Variants in LRP1B observed in about 807,000 individuals in gnomAD.
LRP1B encodes the protein low-density lipoprotein receptor-related protein 1B.
Under a neutral mutation model 556.6 loss-of-function variants are expected in LRP1B, and 217 were observed. The ratio of observed to expected loss-of-function variants is 0.39; its 90% CI spans 0.35 to 0.44. The LOEUF is 0.44. Among genes scored for constraint, LRP1B ranks in the 20% least tolerant of loss-of-function variants. LRP1B has a pLI of 1.00. For missense variants in LRP1B, 5,053 were observed against 5,620.8 expected (o/e 0.90, Z 3.23); for synonymous variants, 2,047 against 1,865.8 (o/e 1.10, Z -2.50).
Position 142,106,264 on chromosome 2 carries a change from G to A in LRP1B, c.82+24384C>T, listed in dbSNP as rs189088766. Among the ~76,000 whole-genome samples the A allele has an allele frequency of 7.8e-3, 1,190 of 152,226 alleles. 20 individuals carry two copies. The highest frequency in any genetic ancestry group is 0.027 in the African/African-American group (1,108 of 41,542). On this transcript the variant is annotated intron_variant, in intron 1 of 90. Coordinates refer to ENST00000389484, the MANE Select transcript of LRP1B (RefSeq NM_018557.3). ...AAAAGAAATAAAGATTGCAAAATTG[G>A]ATAATTTTTTAAAATCACAAAAGTT...
intron 20 of LRP1B, among the ~76,000 whole-genome samples, chr2:140,945,686 C>T (rs925250338): frequency 6.6e-6 from 1 of 151,494 alleles, no homozygotes; most frequent in Admixed American, 6.6e-5. Context: ...AGCCCTATTA[C>T]TATATACAAA....
At chr2:140,719,867 T>C (rs1178743194) in intron 35 of LRP1B, among the ~76,000 whole-genome samples, 2 of 152,030 alleles carry the variant, frequency 1.3e-5, no homozygotes, top group Non-Finnish European at 2.9e-5. Context: ...TCCTTATCAA[T>C]TTTTTCACAT....
At position 141,492,562 on chromosome 2, in the gene LRP1B, G is replaced by T. The variant is rs141363541; in HGVS notation, c.206-12029C>A. Among the ~76,000 whole-genome samples the T allele has an allele frequency of 9.4e-3, 1,434 of 152,214 alleles. 19 individuals carry two copies. Among genetic ancestry groups the T allele is most frequent in the Non-Finnish European group, 0.014 (979 of 67,988 alleles). ...TTCTGATATTTTCCTGGATTGAGTGGATGAGGACAAAATAGAGATGAGAGA... is the reference window on the plus strand; with the variant it reads ...TTCTGATATTTTCCTGGATTGAGTGTATGAGGACAAAATAGAGATGAGAGA... On this transcript the variant is annotated intron_variant, in intron 2 of 90. Coordinates refer to ENST00000389484, the MANE Select transcript of LRP1B (RefSeq NM_018557.3).
intron 3 of LRP1B, among the ~76,000 whole-genome samples, chr2:141,347,935 A>T (rs1688311847): frequency 6.6e-6 from 1 of 152,076 alleles, no homozygotes. Flanking sequence ...TATGTCTAAA[A>T]CATTTCTTGA....
At chr2:141,286,066 CAA>C (rs200182512) in intron 3 of LRP1B, among the ~76,000 whole-genome samples, 14,939 of 94,364 alleles carry the variant, frequency 0.16, 491 homozygotes, top group South Asian at 0.26. Context: ...GACTCCGTCT[CAA>C]AAAAAAAAAA....
At chr2:141,010,817 T>C (rs1295015210) in intron 14 of LRP1B, among the ~76,000 whole-genome samples, 3 of 151,876 alleles carry the variant, frequency 2.0e-5, no homozygotes, top group Admixed American at 6.6e-5. Context: ...TGCCTGGCTA[T>C]TGACAAGTCT....
At chr2:140,941,393 T>C (rs1049096499) in intron 20 of LRP1B, among the ~76,000 whole-genome samples, 7 of 152,076 alleles carry the variant, frequency 4.6e-5, no homozygotes, top group Non-Finnish European at 8.8e-5. Context: ...GCAACACAGG[T>C]ACCATGGGTG....
chr2:141,438,150 T>C (rs1573944927), intron 3 of LRP1B, among the ~76,000 whole-genome samples: 2 of 152,250 alleles, frequency 1.3e-5, no homozygotes, highest in East Asian at 3.9e-4. Flanking sequence ...CTGCATAGGA[T>C]AACGACTGTA....
chr2:141,694,647 A>C (rs1691668033), intron 2 of LRP1B, among the ~76,000 whole-genome samples: 2 of 141,854 alleles, frequency 1.4e-5, no homozygotes, highest in South Asian at 2.2e-4. Context: ...CGATTGTTTC[A>C]AAAAAAAAAA....
chr2:140,901,958 C>T (rs1549709), intron 23 of LRP1B, among the ~76,000 whole-genome samples: 34,542 of 151,812 alleles, frequency 0.23, 4,153 homozygotes, highest in Non-Finnish European at 0.26. Context: ...GAATTAGTAG[C>T]GGGTTTCCAA....
rs1176498060 is a variant in LRP1B, at chr2:140,291,295, ATT to A, written c.12967+6511_12967+6512del. Among the ~76,000 whole-genome samples the A allele has an allele frequency of 3.4e-3, 88 of 25,796 alleles. 1 individual carries two copies. The highest frequency in any genetic ancestry group is 5.3e-3 in the African/African-American group (86 of 16,336). The allele number at this position is 25,796 out of a possible 152,430, so 16.9% of individuals were successfully genotyped here. ...CTTAGATACCACTTCAAGAAATTTTATTTTATATATATATATATATATATTTT... is the reference window on the plus strand; with the variant it reads ...CTTAGATACCACTTCAAGAAATTTTATTATATATATATATATATATATTTT... On this transcript the variant is annotated intron_variant, in intron 84 of 90. Coordinates refer to ENST00000389484, the MANE Select transcript of LRP1B (RefSeq NM_018557.3).
chr2:140,400,889 A>G (rs1684467174), intron 66 of LRP1B, among the ~76,000 whole-genome samples: 1 of 152,178 alleles, frequency 6.6e-6, no homozygotes, highest in African/African-American at 2.4e-5. Flanking sequence ...GGAAGGCCTT[A>G]AACCTCCCAG....
chr2:140,417,539 C>T (rs1015879778), intron 66 of LRP1B, among the ~76,000 whole-genome samples: 2 of 152,144 alleles, frequency 1.3e-5, no homozygotes, highest in African/African-American at 2.4e-5. Context: ...AGGATGTGCA[C>T]GATGATGTTA....
chr2:141,619,895 C>T (rs1174919138), intron 2 of LRP1B, among the ~76,000 whole-genome samples: 1 of 152,144 alleles, frequency 6.6e-6, no homozygotes, highest in Non-Finnish European at 1.5e-5. Flanking sequence ...TTAAAAGGGG[C>T]TAATGTTGAT....
chr2:141,088,918 T>C (rs1574061986), intron 7 of LRP1B, among the ~76,000 whole-genome samples: 1 of 152,236 alleles, frequency 6.6e-6, no homozygotes, highest in East Asian at 1.9e-4. Context: ...TGAGATAACA[T>C]AAAAGGGGTT....
chr2:142,063,283 A>G (rs1369860601), intron 1 of LRP1B, among the ~76,000 whole-genome samples: 1 of 151,570 alleles, frequency 6.6e-6, no homozygotes, highest in Non-Finnish European at 1.5e-5. Context: ...TCCTCATCTT[A>G]ATTGTTTTCT....
chr2:141,085,114 G>A (rs778296143), intron 7 of LRP1B, among the ~76,000 whole-genome samples: 11 of 136,264 alleles, frequency 8.1e-5, no homozygotes, highest in Non-Finnish European at 1.6e-4. Flanking sequence ...AGAAGGTAGG[G>A]AGAGGTAAAG....
At chr2:141,953,350 C>T (rs113124225) in intron 1 of LRP1B, among the ~76,000 whole-genome samples, 16 of 152,094 alleles carry the variant, frequency 1.1e-4, no homozygotes, top group African/African-American at 3.9e-4. Flanking sequence ...AAATTCAACA[C>T]GTTGATTTGA....
chr2:141,524,479 G>C (rs1684628577), intron 2 of LRP1B, among the ~76,000 whole-genome samples: 1 of 152,066 alleles, frequency 6.6e-6, no homozygotes, highest in African/African-American at 2.4e-5. Flanking sequence ...CCATGGCTCT[G>C]TAGGCCACAT....
Sources: allele counts gnomAD v4.1 joint callset (sites outside exome capture counted in the v4.1 genomes callset), GRCh38; gene constraint gnomAD v4.1.1; transcripts MANE v1.5; gene names NCBI Gene and HGNC (gene_info 2026-07-23, HGNC 2026-07-21).